The following TASOR2 variants were observed in gnomAD, a reference collection of about 807,000 sequenced individuals.
The protein encoded by TASOR2 is protein TASOR 2.
Under a neutral mutation model 199.5 loss-of-function variants are expected in TASOR2, and 84 were observed. That is an observed-to-expected ratio of 0.42 (90% CI 0.35 to 0.50). TASOR2 has a LOEUF of 0.50. Among genes scored for constraint, TASOR2 ranks in the 20% least tolerant of loss-of-function variants. The probability of loss-of-function intolerance (pLI) is 0.02; values close to 1 mark genes in which losing one functional copy is unlikely to be tolerated. For missense variants in TASOR2, 2,796 were observed against 2,835.9 expected, an observed-to-expected ratio of 0.99 and a Z score of 0.32; for synonymous variants, 1,103 against 1,046.6, an observed-to-expected ratio of 1.05 and a Z score of -1.04.
In TASOR2 at chr10:5,763,019, G is replaced by C. The variant is rs201202520; in HGVS notation, c.7290-10G>C. ...TTAAGAAGTTCTTTATCAATTTTGT[G>C]TTTCTTCAGGTGACTCAACTACAGC... On this transcript the variant is annotated splice_polypyrimidine_tract_variant and intron_variant, in intron 20 of 20. Coordinates refer to ENST00000328090, the Ensembl canonical transcript of TASOR2. 403 of 1,610,776 alleles carry C rather than the reference G, an allele frequency of 2.5e-4. No homozygotes were observed. The highest frequency in any genetic ancestry group is 3.3e-4 in the Middle Eastern group (2 of 6,054).
chr10:5,714,292 T>C (rs186683511), intron 2 of TASOR2, 85 bp downstream of exon 3: 7 of 810,802 alleles, frequency 8.6e-6, no homozygotes, highest in Admixed American at 8.6e-5. Flanking sequence ...ATAAGATATG[T>C]ATATTAAAAG....
At chr10:5,760,713 TAA>T (rs1839687154) in intron 18 of TASOR2, 1 of 152,348 alleles carries the variant, frequency 6.6e-6, no homozygotes, top group East Asian at 1.9e-4. Context: ...TTCATGATGT[TAA>T]GAGTGATTAT....
intron 1 of TASOR2, among the ~76,000 whole-genome samples, chr10:5,694,788 G>A (rs914463616): frequency 6.6e-6 from 1 of 152,178 alleles, no homozygotes; most frequent in African/African-American, 2.4e-5. Flanking sequence ...CCTTTTGACA[G>A]TCTGACATGT....
At chr10:5,700,009 A>C (rs1479716952) in intron 1 of TASOR2, among the ~76,000 whole-genome samples, 1 of 152,198 alleles carries the variant, frequency 6.6e-6, no homozygotes, top group Admixed American at 6.5e-5. Flanking sequence ...TGTAAACTAC[A>C]GTCAACCTAC....
chr10:5,721,944 TAAAGA>T (rs1367347041), intron 6 of TASOR2, among the ~76,000 whole-genome samples: 3 of 152,140 alleles, frequency 2.0e-5, no homozygotes, highest in Non-Finnish European at 4.4e-5. Context: ...GTCATTGAAG[TAAAGA>T]AAAGACTGAA....
chr10:5,722,872 G>T lies in TASOR2; in HGVS notation c.147-805G>T, dbSNP rs775030354. Reference sequence around the variant, plus strand: ...AAAATACAAAAATTAGCTGGGCATGGTGCGGCATGCTTGTAATCCCAGCTA... The same window carrying T: ...AAAATACAAAAATTAGCTGGGCATGTTGCGGCATGCTTGTAATCCCAGCTA... On this transcript the variant is annotated intron_variant, in intron 6 of 20. Coordinates refer to ENST00000328090, the Ensembl canonical transcript of TASOR2. The surrounding 1 kb of genome is among the most constrained non-coding windows in gnomAD (Gnocchi z 4.0). 7.3e-5 allele frequency among the ~76,000 whole-genome samples: 11 copies of T among 151,356 alleles called. No individual in the cohort carries two copies. The highest frequency in any genetic ancestry group is 1.3e-4 in the Non-Finnish European group (9 of 67,850).
At chr10:5,704,433 G>T (rs1307101104) in intron 1 of TASOR2, among the ~76,000 whole-genome samples, 2 of 151,862 alleles carry the variant, frequency 1.3e-5, no homozygotes, top group East Asian at 3.9e-4. Context: ...TATAAAAATT[G>T]TTTCTATTAC....
exon 15 of TASOR2, chr10:5,747,209 C>G: frequency 6.2e-7 from 1 of 1,613,134 alleles, no homozygotes; most frequent in Non-Finnish European, 8.5e-7. Flanking sequence ...ATCAAACAAA[C>G]AAGCCTGTCT....
chr10:5,686,381 T>C lies in TASOR2; in HGVS notation c.-288+1206T>C, dbSNP rs553821050. Among the ~76,000 whole-genome samples the C allele has an allele frequency of 9.2e-5, 14 of 152,336 alleles. No homozygotes were observed. The South Asian group carries it at 2.9e-3, about 32-fold the overall frequency. ...GGTGTTTGTTAAATACAGTATACTA[T>C]CTATTCAGTAAAAATAGATCAATAT... On this transcript the variant is annotated intron_variant, in intron 1 of 20. Coordinates refer to ENST00000328090, the Ensembl canonical transcript of TASOR2.
chr10:5,734,006 TCTC>T (rs1055620480), intron 11 of TASOR2, among the ~76,000 whole-genome samples: 4 of 152,180 alleles, frequency 2.6e-5, no homozygotes, highest in African/African-American at 9.7e-5. Flanking sequence ...ATGAAATGGG[TCTC>T]CTTTTTTCTC....
In TASOR2 at chr10:5,747,066, G is replaced by A. The variant is rs367569530; in HGVS notation, c.3645G>A (p.Leu1215=). 4 of 1,614,002 alleles carry A rather than the reference G, an allele frequency of 2.5e-6. No individual in the cohort carries two copies. In the African/African-American group the frequency reaches 5.3e-5, roughly 22 times the overall value. ...ACTCATCATCAGCCTCTACCACCTT[G>A]GGAAGGCAGTGTTCACTTAACTGCA... Residue 1215 remains leucine, a synonymous_variant, in exon 15 of 21, where the codon TTG becomes TTA. Transcript: ENST00000328090.
intron 2 of TASOR2, among the ~76,000 whole-genome samples, chr10:5,715,755 G>A (rs1038243687): frequency 1.3e-5 from 2 of 152,162 alleles, no homozygotes; most frequent in East Asian, 1.9e-4. Context: ...TGATTCTCCT[G>A]CCTCAGCCTC....
chr10:5,756,882 T>C, intron 16 of TASOR2, 144 bp downstream of exon 17: 1 of 770,286 alleles, frequency 1.3e-6, no homozygotes, highest in African/African-American at 1.8e-5. Context: ...TGGTGTATTA[T>C]AGAATACTGC....
intron 1 of TASOR2, among the ~76,000 whole-genome samples, chr10:5,696,517 C>T (rs1418864426): frequency 6.6e-6 from 1 of 152,112 alleles, no homozygotes; most frequent in African/African-American, 2.4e-5. Context: ...CCCCCACGTC[C>T]AGCTGATATT....
chr10:5,758,891 A>G, exon 18 of TASOR2: 1 of 1,610,788 alleles, frequency 6.2e-7, no homozygotes, highest in Admixed American at 1.7e-5. Flanking sequence ...TTGTAGTTCA[A>G]CTGAAGGAAA....
intron 15 of TASOR2, 118 bp from the exon 17 acceptor site, chr10:5,756,495 A>G (rs1838967958): frequency 5.2e-6 from 5 of 959,884 alleles, no homozygotes; most frequent in Non-Finnish European, 4.4e-6. Flanking sequence ...TAATAAGACA[A>G]ATTGTCATTT....
At chr10:5,695,712 A>C (rs1367651974) in intron 1 of TASOR2, among the ~76,000 whole-genome samples, 2 of 152,224 alleles carry the variant, frequency 1.3e-5, no homozygotes, top group African/African-American at 4.8e-5. Context: ...GGTGAGAGGA[A>C]GATATAGCTG....
rs1835740713 is a variant in TASOR2, at chr10:5,737,228, A to G, written c.1447+1682A>G. On this transcript the variant is annotated intron_variant, in intron 12 of 20. Transcript: ENST00000328090. The surrounding 1 kb of genome is among the most constrained non-coding windows in gnomAD (Gnocchi z 4.9). The stretch of plus-strand genomic sequence containing the variant: ...TGCTCTGCCTGCCTCGGCCTCCCAA[A>G]GTGCTGGGATTACAGGTGTGAGCCA... 6.7e-6 allele frequency among the ~76,000 whole-genome samples: 1 copy of G among 150,008 alleles called. No individual in the cohort carries two copies. The highest frequency in any genetic ancestry group is 1.5e-5 in the Non-Finnish European group (1 of 67,698).
chr10:5,728,079 G>A (rs914183516), intron 10 of TASOR2, among the ~76,000 whole-genome samples: 2 of 151,848 alleles, frequency 1.3e-5, no homozygotes, highest in Admixed American at 1.3e-4. Flanking sequence ...AGAAAAATTA[G>A]GCGTGGTGGC....
Sources: gnomAD v4.1 joint callset for allele counts (sites outside exome capture counted in the v4.1 genomes callset) on GRCh38, gnomAD v4.1.1 for gene constraint, Gnocchi (gnomAD v3.1) non-coding constraint, MANE v1.5 for transcripts, NCBI Gene and HGNC (gene_info 2026-07-23, HGNC 2026-07-21) for gene names.